ATF3: variants seen among roughly 807,000 people sequenced by gnomAD.
ATF3 encodes the protein activating transcription factor 3.
A neutral mutation model predicts 18.4 loss-of-function variants in ATF3; 10 were observed. That is an observed-to-expected ratio of 0.54 (90% CI 0.34 to 0.92). The LOEUF is 0.92. Among genes scored for constraint, ATF3 ranks in the 40% least tolerant of loss-of-function variants. The probability of loss-of-function intolerance (pLI) is 0.02; values close to 1 mark genes in which losing one functional copy is unlikely to be tolerated. For synonymous variants in ATF3, 78 were observed against 87.9 expected, an observed-to-expected ratio of 0.89 and a Z score of 0.63; for missense variants, 183 against 222.3, an observed-to-expected ratio of 0.82 and a Z score of 1.12.
chr1:212,578,136 G>A (rs1171018457), intron 1 of ATF3, among the ~76,000 whole-genome samples: 7 of 152,138 alleles, frequency 4.6e-5, no homozygotes, highest in Admixed American at 4.6e-4. Context: ...GGTGATACCT[G>A]TTAACTTATG....
intron 1 of ATF3, among the ~76,000 whole-genome samples, chr1:212,571,604 C>T (rs973786103): frequency 6.6e-6 from 1 of 151,842 alleles, no homozygotes; most frequent in Non-Finnish European, 1.5e-5. Flanking sequence ...GAGGTTTCAT[C>T]ATTTTGGCCA....
At chr1:212,599,092 G>T (rs1654404214) in intron 1 of ATF3, among the ~76,000 whole-genome samples, 1 of 152,174 alleles carries the variant, frequency 6.6e-6, no homozygotes, top group Non-Finnish European at 1.5e-5. Context: ...GTGTACGAGG[G>T]TTAACTTTTC....
chr1:212,609,439 C>G (rs894418861), intron 1 of ATF3, among the ~76,000 whole-genome samples: 2 of 151,736 alleles, frequency 1.3e-5, no homozygotes, highest in African/African-American at 4.8e-5. Flanking sequence ...CCCCACGCGC[C>G]GAGAGGAATG....
At chr1:212,616,812 G>T (rs1655149196) in intron 2 of ATF3, among the ~76,000 whole-genome samples, 1 of 152,152 alleles carries the variant, frequency 6.6e-6, no homozygotes, top group East Asian at 1.9e-4. Flanking sequence ...TGGATGTGGG[G>T]TGTAAGAGAA....
chr1:212,599,314 T>C (rs1654410898), intron 1 of ATF3, among the ~76,000 whole-genome samples: 1 of 152,250 alleles, frequency 6.6e-6, no homozygotes, highest in African/African-American at 2.4e-5. Context: ...TTCTCAACTA[T>C]GTCAGGCTGA....
chr1:212,579,046 C>CTGT (rs1664633173), intron 1 of ATF3, among the ~76,000 whole-genome samples: 1 of 133,226 alleles, frequency 7.5e-6, no homozygotes, highest in Admixed American at 8.6e-5. Context: ...GAGTCTCACT[C>CTGT]TGTTGCCCAG....
chr1:212,580,584 G>A (rs917952885), intron 1 of ATF3, among the ~76,000 whole-genome samples: 1 of 152,092 alleles, frequency 6.6e-6, no homozygotes, highest in Non-Finnish European at 1.5e-5. Context: ...GGGATTACAG[G>A]CGTGAACCAC....
At chr1:212,571,761 G>T (rs1346982073) in intron 1 of ATF3, among the ~76,000 whole-genome samples, 4 of 144,580 alleles carry the variant, frequency 2.8e-5, no homozygotes, top group Non-Finnish European at 1.5e-5. Context: ...GCCCAGGCTG[G>T]AGTGCAGTGG....
chr1:212,590,378 T>C (rs751762251), intron 1 of ATF3, among the ~76,000 whole-genome samples: 10 of 152,072 alleles, frequency 6.6e-5, no homozygotes, highest in Non-Finnish European at 1.2e-4. Context: ...TCCTTTTAGG[T>C]ATATTGCGCT....
intron 1 of ATF3, among the ~76,000 whole-genome samples, chr1:212,603,438 G>A (rs962159497): frequency 6.6e-6 from 1 of 152,138 alleles, no homozygotes; most frequent in Non-Finnish European, 1.5e-5. Flanking sequence ...ACAATCTTTG[G>A]GGGTCCTTCC....
intron 1 of ATF3, among the ~76,000 whole-genome samples, chr1:212,609,862 A>G (rs939963693): frequency 2.0e-5 from 3 of 152,114 alleles, no homozygotes; most frequent in Non-Finnish European, 2.9e-5. Flanking sequence ...GAGCCGGGAA[A>G]TAAGGGCACA....
At chr1:212,603,776 A>ATATGTG (rs1553303457), upstream of ATF3, among the ~76,000 whole-genome samples, 22 of 149,602 alleles carry the variant, frequency 1.5e-4, no homozygotes, top group African/African-American at 5.4e-4. Flanking sequence ...GTGTATATAT[A>ATATGTG]TGTGTGTGTG....
chr1:212,618,241 G>A lies in ATF3; in HGVS notation c.348+7G>A. 6.2e-7 allele frequency: 1 copy of A among 1,613,292 alleles called. No individual in the cohort carries two copies. Among genetic ancestry groups the A allele is most frequent in the Non-Finnish European group, 8.5e-7 (1 of 1,179,252 alleles). ...GACGGAGTGCCTGCAGAAAGTGAGT[G>A]CCTTCTAGCCTTACCCTTCCTCTCG... On this transcript the variant is annotated splice_region_variant and intron_variant, in intron 3 of 3. Transcript: ENST00000341491. This position sits in a 1 kb window ranked among gnomAD's most constrained non-coding sequence, Gnocchi z 4.4.
At chr1:212,611,442 G>A (rs1416893800) in intron 1 of ATF3, among the ~76,000 whole-genome samples, 1 of 152,210 alleles carries the variant, frequency 6.6e-6, no homozygotes, top group East Asian at 1.9e-4. Flanking sequence ...TTTGGGGAAG[G>A]CAGTTTTGAT....
chr1:212,567,239 C>T (rs1041452293), intron 1 of ATF3, among the ~76,000 whole-genome samples: 3 of 152,012 alleles, frequency 2.0e-5, no homozygotes, highest in African/African-American at 7.3e-5. Context: ...GAGCAGCATG[C>T]TGTCCCCCTG....
chr1:212,580,862 G>A (rs1165981393), intron 1 of ATF3, among the ~76,000 whole-genome samples: 6 of 152,080 alleles, frequency 3.9e-5, no homozygotes, highest in African/African-American at 4.8e-5. Flanking sequence ...TTCACCTCCC[G>A]GGTTCAAGTG....
intron 1 of ATF3, 115 bp from the exon 2 acceptor site, chr1:212,614,903 T>TA (rs1655043501): frequency 1.9e-6 from 3 of 1,587,000 alleles, no homozygotes; most frequent in Non-Finnish European, 2.6e-6. Context: ...CCCAAGGGCT[T>TA]ATGGGACTTT....
chr1:212,615,202 G>A lies in ATF3; in HGVS notation c.181G>A (p.Ala61Thr). ...NKHLCHRMSS[A>T]LESVTVSDRP... The stretch of plus-strand genomic sequence containing the variant: ...GCACCTCTGCCACCGGATGTCCTCT[G>A]CGCTGGAATCAGTCACTGTCAGCGA... Residue 61 changes from alanine (A) to threonine (T), a missense_variant, in exon 2 of 4, where the codon GCG becomes ACG. Transcript: ENST00000341491. The A allele has an allele frequency of 6.2e-7, 1 of 1,614,186 alleles. No individual in the cohort carries two copies. The highest frequency in any genetic ancestry group is 2.2e-5 in the East Asian group (1 of 44,880).
chr1:212,582,338 A>G (rs966012200), intron 1 of ATF3, among the ~76,000 whole-genome samples: 5 of 152,110 alleles, frequency 3.3e-5, no homozygotes, highest in African/African-American at 1.2e-4. Flanking sequence ...GTATTAATGC[A>G]TTTTCTTTTG....
Sources: allele counts gnomAD v4.1 joint callset (sites outside exome capture counted in the v4.1 genomes callset), GRCh38; gene constraint gnomAD v4.1.1; non-coding constraint Gnocchi (gnomAD v3.1); transcripts MANE v1.5; gene names NCBI Gene and HGNC (gene_info 2026-07-23, HGNC 2026-07-21).